Variants in NEGR1 observed in about 807,000 individuals in gnomAD.
The protein encoded by NEGR1 is IgLON family member 4.
NEGR1 carries 10 observed loss-of-function variants against 40.9 expected under a neutral mutation model. The observed-to-expected ratio is 0.24, with a 90% confidence interval of 0.15 to 0.42. The LOEUF (loss-of-function observed/expected upper bound fraction) is 0.42. NEGR1 is among the 10% of genes least tolerant of loss of function. The pLI, the probability that NEGR1 is intolerant of heterozygous loss-of-function variation, is 1.00. For synonymous variants in NEGR1, 185 were observed against 166.8 expected (o/e 1.11, Z -0.84); for missense variants, 352 against 438.9 (o/e 0.80, Z 1.77).
chr1:72,125,343 AT>A (rs1649969505), intron 1 of NEGR1, among the ~76,000 whole-genome samples: 1 of 152,122 alleles, frequency 6.6e-6, no homozygotes, highest in Admixed American at 6.5e-5. Context: ...TTTTAAAATG[AT>A]TCACATACTC....
At chr1:71,797,427 G>T (rs977604565) in intron 2 of NEGR1, among the ~76,000 whole-genome samples, 3 of 152,110 alleles carry the variant, frequency 2.0e-5, no homozygotes, top group Non-Finnish European at 4.4e-5. Flanking sequence ...TAAGGCCACA[G>T]AATTTGCAGT....
chr1:71,928,532 A>G (rs1433520943), intron 2 of NEGR1, among the ~76,000 whole-genome samples: 1 of 139,736 alleles, frequency 7.2e-6, no homozygotes, highest in African/African-American at 2.7e-5. Context: ...ACACACATCT[A>G]TACACATATA....
At chr1:71,606,037 C>G (rs1030534756) in intron 5 of NEGR1, among the ~76,000 whole-genome samples, 2 of 152,136 alleles carry the variant, frequency 1.3e-5, no homozygotes, top group African/African-American at 4.8e-5. Context: ...TGTGCTGTCC[C>G]CTCTCACAAT....
At chr1:71,628,488 A>C (rs149227527) in intron 4 of NEGR1, among the ~76,000 whole-genome samples, 2,788 of 152,106 alleles carry the variant, frequency 0.018, 56 homozygotes, top group Non-Finnish European at 0.024. Context: ...ATAGGTATAC[A>C]CGTGCCATGG....
At chr1:72,098,553 A>G (rs1648801722) in intron 1 of NEGR1, among the ~76,000 whole-genome samples, 1 of 152,272 alleles carries the variant, frequency 6.6e-6, no homozygotes, top group East Asian at 1.9e-4. Context: ...CTATTATGTC[A>G]TAACTCTGCC....
At chr1:71,708,560 G>T (rs1028022033) in intron 3 of NEGR1, among the ~76,000 whole-genome samples, 1 of 151,664 alleles carries the variant, frequency 6.6e-6, no homozygotes, top group Non-Finnish European at 1.5e-5. Context: ...CTAAATGGAA[G>T]GAAACAAATT....
intron 6 of NEGR1, among the ~76,000 whole-genome samples, chr1:71,500,343 T>C (rs1326080209): frequency 6.6e-6 from 1 of 152,032 alleles, no homozygotes; most frequent in South Asian, 2.1e-4. Context: ...ATGACAATAA[T>C]CACTTTCTTT....
intron 1 of NEGR1, among the ~76,000 whole-genome samples, chr1:72,082,840 C>G (rs753522323): frequency 7.2e-5 from 11 of 152,070 alleles, no homozygotes; most frequent in Non-Finnish European, 1.2e-4. Context: ...GCATTAATTT[C>G]AAGCTTAATT....
At chr1:72,010,675 A>G (rs1168096194) in intron 1 of NEGR1, among the ~76,000 whole-genome samples, 1 of 151,918 alleles carries the variant, frequency 6.6e-6, no homozygotes, top group Non-Finnish European at 1.5e-5. Context: ...ATATTCCTGA[A>G]TGCAGAATTG....
chr1:71,591,050 C>G (rs946277337), intron 6 of NEGR1, among the ~76,000 whole-genome samples: 2 of 152,012 alleles, frequency 1.3e-5, no homozygotes, highest in Non-Finnish European at 2.9e-5. Flanking sequence ...AATAAAAATG[C>G]TTAGTGCAGT....
chr1:72,105,180 A>T (rs1465603584), intron 1 of NEGR1, among the ~76,000 whole-genome samples: 1 of 152,106 alleles, frequency 6.6e-6, no homozygotes, highest in African/African-American at 2.4e-5. Context: ...AGCCAGAATC[A>T]TCTTTCTAAA....
intron 6 of NEGR1, among the ~76,000 whole-genome samples, chr1:71,421,677 A>C (rs1162414784): frequency 2.0e-5 from 3 of 152,256 alleles, no homozygotes; most frequent in South Asian, 2.1e-4. Context: ...TGCCAAAAAA[A>C]AATTCTAAAA....
At chr1:72,246,283 T>C (rs1654900922) in intron 1 of NEGR1, among the ~76,000 whole-genome samples, 1 of 152,206 alleles carries the variant, frequency 6.6e-6, no homozygotes, top group Non-Finnish European at 1.5e-5. Context: ...TGTATTCCCA[T>C]TGTATTGTAT....
chr1:71,550,116 T>C (rs765239634), intron 6 of NEGR1, among the ~76,000 whole-genome samples: 1 of 151,640 alleles, frequency 6.6e-6, no homozygotes, highest in Non-Finnish European at 1.5e-5. Context: ...ACTGTCCAAG[T>C]CCAAATGGTG....
intron 6 of NEGR1, among the ~76,000 whole-genome samples, chr1:71,574,969 A>G (rs1348320981): frequency 6.6e-6 from 1 of 152,146 alleles, no homozygotes; most frequent in Non-Finnish European, 1.5e-5. Flanking sequence ...GAGAACAACT[A>G]TTTGTTTGTT....
At chr1:71,741,275 T>G (rs188059323) in intron 3 of NEGR1, among the ~76,000 whole-genome samples, 27 of 152,310 alleles carry the variant, frequency 1.8e-4, no homozygotes, top group Non-Finnish European at 3.1e-4. Flanking sequence ...CTCAAATCAT[T>G]TTAAGCAATA....
intron 6 of NEGR1, among the ~76,000 whole-genome samples, chr1:71,449,438 A>C (rs60924111): frequency 0.035 from 5,276 of 152,276 alleles, 321 homozygotes; most frequent in African/African-American, 0.12. Flanking sequence ...TGATGTTCAA[A>C]TCTGAGCACT....
chr1:72,168,046 C>G (rs1327503116), intron 1 of NEGR1, among the ~76,000 whole-genome samples: 1 of 150,798 alleles, frequency 6.6e-6, no homozygotes, highest in African/African-American at 2.5e-5. Flanking sequence ...CACTCTGTCA[C>G]CCAGGCTGGA....
At chr1:71,906,224 G>A (rs1442713303) in intron 2 of NEGR1, among the ~76,000 whole-genome samples, 4 of 151,808 alleles carry the variant, frequency 2.6e-5, no homozygotes, top group Non-Finnish European at 4.4e-5. Context: ...ATGGGCTTTA[G>A]GGACTTGGTG....
Sources: gnomAD v4.1 joint callset for allele counts (sites outside exome capture counted in the v4.1 genomes callset) on GRCh38, gnomAD v4.1.1 for gene constraint, MANE v1.5 for transcripts, NCBI Gene and HGNC (gene_info 2026-07-23, HGNC 2026-07-21) for gene names.